ZNF493: variants seen among roughly 807,000 people sequenced by gnomAD.
The protein encoded by ZNF493 is zinc finger protein 493.
Under a neutral mutation model 12.2 loss-of-function variants are expected in ZNF493, and 11 were observed. The ratio of observed to expected loss-of-function variants is 0.90; its 90% CI spans 0.57 to 1.50. The LOEUF is 1.50. ZNF493 is among the 40% of genes most tolerant of loss of function. The pLI, the probability that ZNF493 is intolerant of heterozygous loss-of-function variation, is 0.00. For missense variants in ZNF493, 950 were observed against 906.6 expected (o/e 1.05, Z -0.61); for synonymous variants, 286 against 302.6 (o/e 0.95, Z 0.57).
intron 3 of ZNF493, among the ~76,000 whole-genome samples, chr19:21,418,316 TTCC>T (rs2030554481): frequency 6.6e-6 from 1 of 152,318 alleles, no homozygotes; most frequent in South Asian, 2.1e-4. Flanking sequence ...TACACTCTCC[TTCC>T]TCCTCATTAT....
intron 3 of ZNF493, chr19:21,407,991 T>C (rs2030190656): frequency 1.0e-6 from 1 of 985,234 alleles, no homozygotes; most frequent in East Asian, 1.1e-4. Flanking sequence ...CCCCAGGGTT[T>C]TGGGATGCCC....
chr19:21,405,654 A>T, intron 2 of ZNF493, 107 bp from the exon 3 acceptor site: 2 of 1,132,302 alleles, frequency 1.8e-6, no homozygotes, highest in Non-Finnish European at 2.4e-6. Context: ...GTATTTTGGG[A>T]TAAATTTTCT....
At chr19:21,403,612 G>GT (rs1568377196) in intron 1 of ZNF493, among the ~76,000 whole-genome samples, 1 of 151,818 alleles carries the variant, frequency 6.6e-6, no homozygotes, top group Non-Finnish European at 1.5e-5. Flanking sequence ...TCCAGAGAAT[G>GT]TCATCTGAAA....
chr19:21,399,234 C>G (rs1974221823), intron 1 of ZNF493, among the ~76,000 whole-genome samples: 2 of 152,050 alleles, frequency 1.3e-5, no homozygotes, highest in Non-Finnish European at 2.9e-5. Context: ...GATCTCGGCT[C>G]GCTGAAAGCT....
rs368154356 is a variant in ZNF493 at position 21,420,272 on chromosome 19, C to T, written c.254-2641C>T. Among the ~76,000 whole-genome samples, 7 of 151,976 alleles carry T rather than the reference C, an allele frequency of 4.6e-5. No individual in the cohort carries two copies. The East Asian group carries it at 1.2e-3, about 25-fold the overall frequency. On this transcript the variant is annotated intron_variant, in intron 3 of 3. Transcript: ENST00000392288. The stretch of plus-strand genomic sequence containing the variant: ...TGTATCTTTGTCCCACATTTTCTGT[C>T]TCTTTGTGTCTTCTTTATTTTTATT...
At chr19:21,402,197 G>A (rs1331126146) in intron 1 of ZNF493, among the ~76,000 whole-genome samples, 1 of 151,950 alleles carries the variant, frequency 6.6e-6, no homozygotes, top group Non-Finnish European at 1.5e-5. Context: ...TCGATCTCCT[G>A]ACCTTGTGAT....
At chr19:21,402,394 C>T (rs1313719090) in intron 1 of ZNF493, among the ~76,000 whole-genome samples, 1 of 152,198 alleles carries the variant, frequency 6.6e-6, no homozygotes, top group Non-Finnish European at 1.5e-5. Flanking sequence ...TCAAGCTTGG[C>T]CCTGACGAAC....
intron 3 of ZNF493, among the ~76,000 whole-genome samples, chr19:21,406,964 T>C (rs2030151896): frequency 6.6e-6 from 1 of 152,112 alleles, no homozygotes; most frequent in African/African-American, 2.4e-5. Context: ...GCCTAATTCC[T>C]TTTATTGATT....
chr19:21,397,728 G>C (rs1361762841), intron 1 of ZNF493: 2 of 302,108 alleles, frequency 6.6e-6, no homozygotes, highest in Non-Finnish European at 1.2e-5. Context: ...GAATTGTAGA[G>C]CACCCAGCTA....
rs2030824529 is a variant in ZNF493 at position 21,425,238 on chromosome 19, CAT to C, written c.*256_*257del. On this transcript the variant is annotated 3_prime_UTR_variant, in exon 4 of 4. Transcript: ENST00000392288. ...TAATTAGTTCTCATCCCTTACTAAA[CAT>C]AAGAGAATTCATACCATAGAGAAAT... The C allele has an allele frequency of 1.9e-6, 1 of 534,324 alleles. No individual in the cohort carries two copies. The highest frequency in any genetic ancestry group is 2.1e-5 in the South Asian group (1 of 47,268). 33.1% of individuals were successfully genotyped at this position (534,324 alleles called of 1,614,324 possible).
intron 1 of ZNF493, chr19:21,397,974 GA>G (rs1300873964): frequency 2.6e-5 from 4 of 152,144 alleles, no homozygotes; most frequent in Non-Finnish European, 4.4e-5. Flanking sequence ...ACCTGAGTTA[GA>G]TTTTTTTTTT....
chr19:21,420,300 A>G (rs955174206), intron 3 of ZNF493, among the ~76,000 whole-genome samples: 3 of 151,396 alleles, frequency 2.0e-5, no homozygotes, highest in African/African-American at 2.4e-5. Context: ...TTTTTATTTT[A>G]TATGCTTTTA....
Position 21,423,419 on chromosome 19 carries a change from A to C in ZNF493, c.760A>C (p.Thr254Pro), listed in dbSNP as rs995548961. The change falls in exon 4 of 4, where the codon ACA becomes CCA. Residue 254 changes from threonine (T) to proline (P), a missense_variant. Coordinates refer to ENST00000392288, the MANE Select transcript of ZNF493 (RefSeq NM_001076678.3). ...KSFNQDSNLT[T>P]HKRIHTGQKP... ...TTTTAACCAGGACTCAAACCTTACTACACATAAGAGAATTCATACTGGACA... is the reference window on the plus strand; with the variant it reads ...TTTTAACCAGGACTCAAACCTTACTCCACATAAGAGAATTCATACTGGACA... The C allele has an allele frequency of 9.3e-6, 15 of 1,613,608 alleles. No homozygotes were observed. The highest frequency in any genetic ancestry group is 1.3e-5 in the Non-Finnish European group (15 of 1,179,832).
intron 3 of ZNF493, chr19:21,408,470 A>T (rs1390139094): frequency 9.1e-6 from 9 of 984,726 alleles, no homozygotes; most frequent in Non-Finnish European, 9.6e-6. Flanking sequence ...TCTCATCAGA[A>T]TATTTTATTT....
Position 21,425,680 on chromosome 19 carries a change from A to G in ZNF493, c.*696A>G. ...ACACATTAGATAATTCATGCTGGAG[A>G]GAAACCCTACAAATGTGAAAAATGT... is the stretch of plus-strand genomic sequence containing the variant. On this transcript the variant is annotated 3_prime_UTR_variant, in exon 4 of 4. Coordinates refer to ENST00000392288, the MANE Select transcript of ZNF493 (RefSeq NM_001076678.3). 2 of 795,460 alleles carry G rather than the reference A, an allele frequency of 2.5e-6. No homozygotes were observed. The highest frequency in any genetic ancestry group is 4.1e-6 in the Non-Finnish European group (2 of 487,578). 49.3% of individuals were successfully genotyped at this position (795,460 alleles called of 1,614,324 possible). A position where few individuals can be genotyped will look rare whatever the true frequency, so the allele number is the denominator to read the frequency against.
chr19:21,397,451 G>A, intron 1 of ZNF493, 184 bp downstream of exon 1: 1 of 726,514 alleles, frequency 1.4e-6, no homozygotes, highest in Non-Finnish European at 2.4e-6. Flanking sequence ...CAACAGCCGG[G>A]GCCCCGGGCG....
intron 3 of ZNF493, among the ~76,000 whole-genome samples, chr19:21,420,793 C>T (rs1277256416): frequency 5.0e-5 from 7 of 141,158 alleles, no homozygotes; most frequent in African/African-American, 1.8e-4. Context: ...GCTATTGTTG[C>T]CCAGGCTAAG....
chr19:21,402,408 C>T (rs2029978654), intron 1 of ZNF493, among the ~76,000 whole-genome samples: 1 of 152,182 alleles, frequency 6.6e-6, no homozygotes, highest in Non-Finnish European at 1.5e-5. Flanking sequence ...GACGAACTCT[C>T]TAATTATATT....
intron 3 of ZNF493, among the ~76,000 whole-genome samples, chr19:21,415,762 C>T (rs946789519): frequency 2.6e-5 from 4 of 152,052 alleles, no homozygotes; most frequent in Admixed American, 2.6e-4. Flanking sequence ...GGCTGCTAAG[C>T]GTTGTTGTTT....
Sources: gnomAD v4.1 joint callset for allele counts (sites outside exome capture counted in the v4.1 genomes callset) on GRCh38, gnomAD v4.1.1 for gene constraint, MANE v1.5 for transcripts, NCBI Gene and HGNC (gene_info 2026-07-23, HGNC 2026-07-21) for gene names.